The following CDC14B variants were observed in gnomAD, a reference collection of about 807,000 sequenced individuals.
CDC14B encodes the protein dual specificity protein phosphatase CDC14B.
CDC14B carries 22 observed loss-of-function variants against 64.2 expected under a neutral mutation model. That is an observed-to-expected ratio of 0.34 (90% CI 0.24 to 0.49). CDC14B has a LOEUF of 0.49. Ranked by LOEUF, CDC14B falls within the 20% of genes least tolerant of loss-of-function variation. The pLI is 0.99. For synonymous variants in CDC14B, 191 were observed against 215.8 expected, an observed-to-expected ratio of 0.89 and a Z score of 1.01; for missense variants, 498 against 629.9, an observed-to-expected ratio of 0.79 and a Z score of 2.24.
chr9:96,517,864 A>G (rs1256426396), intron 12 of CDC14B, among the ~76,000 whole-genome samples: 1 of 150,586 alleles, frequency 6.6e-6, no homozygotes, highest in Non-Finnish European at 1.5e-5. Context: ...TAGAGACAGA[A>G]TCTCACTATG....
intron 1 of CDC14B, among the ~76,000 whole-genome samples, chr9:96,597,584 A>G (rs1846171798): frequency 6.6e-6 from 1 of 152,088 alleles, no homozygotes; most frequent in Non-Finnish European, 1.5e-5. Flanking sequence ...AGAGTTCAAC[A>G]TTAAGCAAAA....
chr9:96,580,655 C>T (rs777728446), intron 1 of CDC14B, among the ~76,000 whole-genome samples: 15 of 152,040 alleles, frequency 9.9e-5, no homozygotes, highest in Non-Finnish European at 1.6e-4. Context: ...GAAATCGACC[C>T]GAGAGAAATA....
At chr9:96,548,383 T>A (rs1216731586) in intron 5 of CDC14B, among the ~76,000 whole-genome samples, 1 of 152,140 alleles carries the variant, frequency 6.6e-6, no homozygotes, top group Admixed American at 6.5e-5. Flanking sequence ...AATGATCCTA[T>A]GATATTTAAA....
chr9:96,544,710 T>C (rs916609051), intron 5 of CDC14B, among the ~76,000 whole-genome samples: 69 of 152,306 alleles, frequency 4.5e-4, no homozygotes, highest in African/African-American at 1.6e-3. Flanking sequence ...TTGCCCAGGC[T>C]GGTCTCGAAC....
At chr9:96,514,095 G>C (rs1281309210) in intron 12 of CDC14B, among the ~76,000 whole-genome samples, 1 of 152,160 alleles carries the variant, frequency 6.6e-6, no homozygotes, top group Non-Finnish European at 1.5e-5. Context: ...AGGCTGAACT[G>C]AATACTCTGC....
chr9:96,583,634 G>A (rs1380647353), intron 1 of CDC14B, among the ~76,000 whole-genome samples: 1 of 151,998 alleles, frequency 6.6e-6, no homozygotes, highest in African/African-American at 2.4e-5. Flanking sequence ...GACCTCAAGT[G>A]ATCTGCCCGC....
At chr9:96,581,940 T>A (rs1845185960) in intron 1 of CDC14B, among the ~76,000 whole-genome samples, 1 of 152,214 alleles carries the variant, frequency 6.6e-6, no homozygotes, top group South Asian at 2.1e-4. Flanking sequence ...CCTTTCATCA[T>A]CATCCTTCCT....
intron 1 of CDC14B, among the ~76,000 whole-genome samples, chr9:96,600,176 C>T (rs1192434712): frequency 1.3e-5 from 2 of 151,910 alleles, no homozygotes; most frequent in East Asian, 3.9e-4. Flanking sequence ...GGGAGAATCA[C>T]TTGAGGCCAG....
chr9:96,517,802 G>T (rs368695705), intron 12 of CDC14B, among the ~76,000 whole-genome samples: 1 of 151,620 alleles, frequency 6.6e-6, no homozygotes, highest in East Asian at 2.0e-4. Flanking sequence ...AGTAGCAGCT[G>T]AGACTGCCTG....
intron 1 of CDC14B, among the ~76,000 whole-genome samples, chr9:96,607,633 C>A (rs1202932043): frequency 6.6e-6 from 1 of 151,924 alleles, no homozygotes; most frequent in East Asian, 1.9e-4. Flanking sequence ...CTGTGTTAGC[C>A]AGGATGGTCT....
chr9:96,535,133 C>T (rs1448341108), intron 7 of CDC14B, among the ~76,000 whole-genome samples: 6 of 152,128 alleles, frequency 3.9e-5, no homozygotes, highest in Non-Finnish European at 4.4e-5. Flanking sequence ...ATGGAGAAAT[C>T]CTGCCTCTAC....
intron 1 of CDC14B, among the ~76,000 whole-genome samples, chr9:96,599,677 A>AT (rs1846306221): frequency 6.6e-6 from 1 of 152,302 alleles, no homozygotes; most frequent in East Asian, 1.9e-4. Flanking sequence ...CTACGGCAAC[A>AT]TAAGATGCTT....
intron 1 of CDC14B, among the ~76,000 whole-genome samples, chr9:96,605,458 A>G (rs527805793): frequency 6.6e-6 from 1 of 152,176 alleles, no homozygotes; most frequent in Non-Finnish European, 1.5e-5. Flanking sequence ...CGTGTGTCCT[A>G]TACTGGCTCC....
At chr9:96,577,207 C>T (rs567990650) in intron 1 of CDC14B, among the ~76,000 whole-genome samples, 4 of 148,506 alleles carry the variant, frequency 2.7e-5, no homozygotes, top group African/African-American at 5.0e-5. Flanking sequence ...GCAGAGATCA[C>T]ACCACTGCAC....
intron 1 of CDC14B, among the ~76,000 whole-genome samples, chr9:96,592,690 T>C (rs896314689): frequency 2.6e-5 from 4 of 152,066 alleles, no homozygotes; most frequent in African/African-American, 9.7e-5. Context: ...GGAGAATCAC[T>C]TGAACCTGGG....
chr9:96,578,662 G>A (rs1310387200), intron 1 of CDC14B, among the ~76,000 whole-genome samples: 1 of 152,126 alleles, frequency 6.6e-6, no homozygotes, highest in Non-Finnish European at 1.5e-5. Flanking sequence ...TGAAAAACAA[G>A]GAAAGACTGA....
chr9:96,580,117 G>A lies in CDC14B; in HGVS notation c.161-14634C>T, dbSNP rs548964675. Among the ~76,000 whole-genome samples, 11 of 151,968 alleles carry A rather than the reference G, an allele frequency of 7.2e-5. No homozygotes were observed. The South Asian group carries it at 2.3e-3, about 31-fold the overall frequency. On this transcript the variant is annotated intron_variant, in intron 1 of 13. Transcript: ENST00000375241. ...CCATGTGACATATTTGGCCTAATTA[G>A]TAATTAGAAAAATGAAAATTACAAA...
At chr9:96,604,388 T>TTAC (rs1564388767) in intron 1 of CDC14B, among the ~76,000 whole-genome samples, 1 of 144,630 alleles carries the variant, frequency 6.9e-6, no homozygotes, top group African/African-American at 2.6e-5. Context: ...ATTATTATTA[T>TTAC]TATTATTTTG....
intron 1 of CDC14B, among the ~76,000 whole-genome samples, chr9:96,606,940 G>A (rs1008840919): frequency 1.1e-4 from 17 of 151,934 alleles, no homozygotes; most frequent in Non-Finnish European, 1.6e-4. Flanking sequence ...GGAAGCTGAG[G>A]TGGGAGGATC....
Sources: allele counts gnomAD v4.1 joint callset (sites outside exome capture counted in the v4.1 genomes callset), GRCh38; gene constraint gnomAD v4.1.1; transcripts MANE v1.5; gene names NCBI Gene and HGNC (gene_info 2026-07-23, HGNC 2026-07-21).